Variants in MYL1 observed in about 807,000 individuals in gnomAD.
The protein encoded by MYL1 is myosin light chain 1/3, skeletal muscle isoform.
A neutral mutation model predicts 21.8 loss-of-function variants in MYL1; 16 were observed. The observed-to-expected ratio is 0.74, with a 90% CI of 0.50 to 1.12. The LOEUF (loss-of-function observed/expected upper bound fraction) is 1.12, where lower values mean the gene tolerates loss of function less well. Ranked by LOEUF, MYL1 falls within the 50% of genes most tolerant of loss-of-function variation. The pLI, the probability that MYL1 is intolerant of heterozygous loss-of-function variation, is 0.00. For synonymous variants in MYL1, 99 were observed against 85.2 expected, an observed-to-expected ratio of 1.16 and a Z score of -0.89; for missense variants, 246 against 241.0, an observed-to-expected ratio of 1.02 and a Z score of -0.14.
At chr2:210,312,627 T>C (rs1690432234) in intron 1 of MYL1, among the ~76,000 whole-genome samples, 1 of 151,904 alleles carries the variant, frequency 6.6e-6, no homozygotes, top group Non-Finnish European at 1.5e-5. Context: ...ATGCAAAGCA[T>C]TGAAGATATT....
chr2:210,302,198 A>G (rs1321328004), intron 2 of MYL1, among the ~76,000 whole-genome samples: 2 of 152,112 alleles, frequency 1.3e-5, no homozygotes, highest in Non-Finnish European at 2.9e-5. Flanking sequence ...ATATATATAT[A>G]TGTATGGTAT....
intron 1 of MYL1, among the ~76,000 whole-genome samples, chr2:210,312,389 T>G (rs1356210949): frequency 6.6e-6 from 1 of 151,910 alleles, no homozygotes; most frequent in Non-Finnish European, 1.5e-5. Flanking sequence ...TCTTTAAAGT[T>G]CATTTTCTCT....
intron 1 of MYL1, among the ~76,000 whole-genome samples, chr2:210,308,399 A>AATACATATATATAT (rs1690370111): frequency 1.2e-5 from 1 of 84,764 alleles, no homozygotes; most frequent in Non-Finnish European, 2.3e-5. Context: ...TACTTAGGCT[A>AATACATATATATAT]ATATATATAT....
intron 3 of MYL1, among the ~76,000 whole-genome samples, chr2:210,295,841 A>G (rs1462514387): frequency 6.6e-6 from 1 of 151,514 alleles, no homozygotes; most frequent in Non-Finnish European, 1.5e-5. Flanking sequence ...AAAAAAAAAA[A>G]AAGAAAGAAA....
intron 1 of MYL1, among the ~76,000 whole-genome samples, chr2:210,304,901 T>TACCTGAAAATAGCGGGCAA (rs1690317272): frequency 6.6e-6 from 1 of 152,204 alleles, no homozygotes; most frequent in Non-Finnish European, 1.5e-5. Context: ...CATGGTAGCT[T>TACCTGAAAATAGCGGGCAA]ACCTGAAAAT....
At chr2:210,310,879 T>C (rs1363339595) in intron 1 of MYL1, among the ~76,000 whole-genome samples, 13 of 152,078 alleles carry the variant, frequency 8.5e-5, no homozygotes, top group Admixed American at 8.5e-4. Flanking sequence ...TTACTTTTTA[T>C]AAATAAGGGT....
At chr2:210,296,704 A>C (rs1184301873) in intron 3 of MYL1, among the ~76,000 whole-genome samples, 1 of 152,058 alleles carries the variant, frequency 6.6e-6, no homozygotes. Flanking sequence ...GGACTAGAGC[A>C]CTAGAATTTA....
intron 1 of MYL1, among the ~76,000 whole-genome samples, chr2:210,311,655 A>G (rs1267124075): frequency 1.3e-5 from 2 of 151,818 alleles, no homozygotes; most frequent in African/African-American, 4.8e-5. Context: ...AAGATCTACA[A>G]TCTAGGTACA....
In MYL1 at chr2:210,314,622, G is replaced by A. The variant is rs149540300; in HGVS notation, c.132+289C>T. ...ATATTCTTAAATGCAACACTGTTAA[G>A]CATATATACTTTTCTCCTAAACAGT... On this transcript the variant is annotated intron_variant, in intron 1 of 6. Transcript: ENST00000352451. 4.3e-3 allele frequency among the ~76,000 whole-genome samples: 659 copies of A among 152,230 alleles called. 8 individuals carry two copies. Among genetic ancestry groups the A allele is most frequent in the African/African-American group, 0.015 (624 of 41,546 alleles).
rs1364548065 is a variant in MYL1, at chr2:210,298,577, G to A, written c.161-14C>T. 3 of 1,613,532 alleles carry A rather than the reference G, an allele frequency of 1.9e-6. No individual in the cohort carries two copies. The African/African-American group carries it at 4.0e-5, about 22-fold the overall frequency. On this transcript the variant is annotated splice_polypyrimidine_tract_variant and intron_variant, in intron 2 of 6. Transcript: ENST00000352451. ...CCTCCTTGAATTCTGCAAAAAGCAA[G>A]AAGCATTAGAGTGCTCTTTTCTTCC...
intron 3 of MYL1, among the ~76,000 whole-genome samples, chr2:210,295,826 GAAAAAA>G (rs753119896): frequency 1.4e-5 from 1 of 69,818 alleles, no homozygotes; most frequent in African/African-American, 4.8e-5. Context: ...CCCTGCCTCA[GAAAAAA>G]AAAAAAAAAA....
At position 210,315,166 on chromosome 2, in the gene MYL1, C is replaced by T. The variant is rs2125746130; in HGVS notation, c.-124G>A. ...CAGCCCAGTGTCTTGAAGATGGACC[C>T]AGAGTGTTAAACGGCATAAGGGCAT... On this transcript the variant is annotated 5_prime_UTR_variant, in exon 1 of 7. Coordinates refer to ENST00000352451, the MANE Select transcript of MYL1 (RefSeq NM_079420.3). 2 of 1,184,162 alleles carry T rather than the reference C, an allele frequency of 1.7e-6. No homozygotes were observed. Among genetic ancestry groups the T allele is most frequent in the South Asian group, 1.3e-5 (1 of 75,394 alleles). 73.4% of individuals were successfully genotyped at this position (1,184,162 alleles called of 1,614,324 possible).
chr2:210,292,206 C>G (rs749369066), intron 5 of MYL1, among the ~76,000 whole-genome samples: 1 of 152,090 alleles, frequency 6.6e-6, no homozygotes, highest in Non-Finnish European at 1.5e-5. Flanking sequence ...GTAGCTGGGA[C>G]TACAGGCTAC....
In MYL1 at chr2:210,315,171, T is replaced by A; in HGVS notation, c.-129A>T. The A allele has an allele frequency of 2.7e-6, 3 of 1,097,442 alleles. No homozygotes were observed. Among genetic ancestry groups the A allele is most frequent in the South Asian group, 2.7e-5 (2 of 73,178 alleles). The allele number at this position is 1,097,442 out of a possible 1,614,324, so 68.0% of individuals were successfully genotyped here. A position where few individuals can be genotyped will look rare whatever the true frequency, so the allele number is the denominator to read the frequency against. Reference sequence around the variant, plus strand: ...CAGTGTCTTGAAGATGGACCCAGAGTGTTAAACGGCATAAGGGCATGCATA... The same window carrying A: ...CAGTGTCTTGAAGATGGACCCAGAGAGTTAAACGGCATAAGGGCATGCATA... On this transcript the variant is annotated 5_prime_UTR_variant, in exon 1 of 7. Transcript: ENST00000352451.
chr2:210,302,874 T>C, intron 1 of MYL1: 1 of 1,478,368 alleles, frequency 6.8e-7, no homozygotes, highest in Admixed American at 2.1e-5. Flanking sequence ...TGCTGGTTGC[T>C]CTGAGATTTT....
At chr2:210,311,249 A>G (rs1690414740) in intron 1 of MYL1, among the ~76,000 whole-genome samples, 1 of 152,070 alleles carries the variant, frequency 6.6e-6, no homozygotes, top group Non-Finnish European at 1.5e-5. Flanking sequence ...CTTACAGATG[A>G]ACAAAAGTAA....
chr2:210,290,916 A>C, intron 6 of MYL1, 116 bp downstream of exon 6: 2 of 543,474 alleles, frequency 3.7e-6, no homozygotes, highest in Non-Finnish European at 6.3e-6. Flanking sequence ...AATTAATATA[A>C]ATATCTCGTA....
At chr2:210,292,223 C>G (rs1448858764) in intron 5 of MYL1, among the ~76,000 whole-genome samples, 1 of 152,120 alleles carries the variant, frequency 6.6e-6, no homozygotes. Context: ...CTACTGTGTG[C>G]CATCACGCCC....
Position 210,314,910 on chromosome 2 carries a change from C to A in MYL1, c.132+1G>T, listed in dbSNP as rs746811386. On this transcript the variant is annotated splice_donor_variant, in intron 1 of 6. Transcript: ENST00000352451. LOFTEE classifies it high-confidence loss of function. Reference sequence around the variant, plus strand: ...ACCAAACAGTTCATCCATTTAGTTACCTTAATGGCAGAGAGGTCAATTTTT... The same window carrying A: ...ACCAAACAGTTCATCCATTTAGTTAACTTAATGGCAGAGAGGTCAATTTTT... The A allele has an allele frequency of 6.2e-7, 1 of 1,613,816 alleles. No homozygotes were observed. Among genetic ancestry groups the A allele is most frequent in the East Asian group, 2.2e-5 (1 of 44,860 alleles).
Sources: allele counts gnomAD v4.1 joint callset (sites outside exome capture counted in the v4.1 genomes callset), GRCh38; gene constraint gnomAD v4.1.1; transcripts MANE v1.5; gene names NCBI Gene and HGNC (gene_info 2026-07-23, HGNC 2026-07-21).